Variants in MTUS2 observed in about 807,000 individuals in gnomAD.
MTUS2 encodes the protein microtubule-associated tumor suppressor candidate 2.
MTUS2 carries 40 observed loss-of-function variants against 114.1 expected under a neutral mutation model. That is an observed-to-expected ratio of 0.35 (90% confidence interval 0.27 to 0.46). MTUS2 has a LOEUF of 0.46. MTUS2 is among the 20% of genes least tolerant of loss of function. The pLI is 1.00. For synonymous variants in MTUS2, 688 were observed against 672.0 expected, an observed-to-expected ratio of 1.02 and a Z score of -0.37; for missense variants, 1,679 against 1,705.4, an observed-to-expected ratio of 0.98 and a Z score of 0.27.
rs1158413371 is a variant in MTUS2, at chr13:29,380,746, C to A, written c.3117+21273C>A. ...CCTGGCTAACAAGGTGAAACCCCGT[C>A]TCTACTAAAAATACAAAAAATTAGC... is the stretch of plus-strand genomic sequence containing the variant. On this transcript the variant is annotated intron_variant, in intron 8 of 15. Coordinates refer to ENST00000612955, the MANE Select transcript of MTUS2 (RefSeq NM_001033602.4). Among the ~76,000 whole-genome samples the A allele has an allele frequency of 1.9e-3, 71 of 36,416 alleles. 14 individuals carry two copies. The highest frequency in any genetic ancestry group is 3.5e-3 in the African/African-American group (68 of 19,508). 23.9% of individuals were successfully genotyped at this position (36,416 alleles called of 152,430 possible). A position where few individuals can be genotyped will look rare whatever the true frequency, so the allele number is the denominator to read the frequency against.
intron 8 of MTUS2, among the ~76,000 whole-genome samples, chr13:29,382,311 G>A (rs1442641832): frequency 6.6e-6 from 1 of 152,164 alleles, no homozygotes; most frequent in Non-Finnish European, 1.5e-5. Context: ...CACACTTGGG[G>A]GACAGATAGG....
chr13:28,875,042 C>A (rs984076963), intron 2 of MTUS2, among the ~76,000 whole-genome samples: 1 of 152,068 alleles, frequency 6.6e-6, no homozygotes, highest in African/African-American at 2.4e-5. Context: ...GAAGGCTGGT[C>A]CAAGGCAGCA....
chr13:29,350,855 A>G (rs968271111), intron 7 of MTUS2, among the ~76,000 whole-genome samples: 1 of 151,626 alleles, frequency 6.6e-6, no homozygotes, highest in Admixed American at 6.6e-5. Flanking sequence ...TTCTTATAAG[A>G]GCACTAATCC....
At chr13:29,500,069 C>T (rs891067414) in intron 14 of MTUS2, among the ~76,000 whole-genome samples, 1 of 152,076 alleles carries the variant, frequency 6.6e-6, no homozygotes, top group Non-Finnish European at 1.5e-5. Flanking sequence ...TCTTCCCCCT[C>T]CTGGCTTGGC....
chr13:29,434,131 A>T (rs1397185232), intron 8 of MTUS2, among the ~76,000 whole-genome samples: 2 of 152,082 alleles, frequency 1.3e-5, no homozygotes, highest in East Asian at 3.9e-4. Flanking sequence ...TTCTTTTTTA[A>T]AAAAAATCAG....
In MTUS2 at chr13:29,380,773, G is replaced by T. The variant is rs1289247657; in HGVS notation, c.3117+21300G>T. 3.2e-5 allele frequency among the ~76,000 whole-genome samples: 2 copies of T among 61,964 alleles called. 1 individual carries two copies. The highest frequency in any genetic ancestry group is 9.4e-5 in the Non-Finnish European group (2 of 21,280). The allele number at this position is 61,964 out of a possible 152,430, so 40.7% of individuals were successfully genotyped here. On this transcript the variant is annotated intron_variant, in intron 8 of 15. Coordinates refer to ENST00000612955, the MANE Select transcript of MTUS2 (RefSeq NM_001033602.4). Reference sequence around the variant, plus strand: ...CTACTAAAAATACAAAAAATTAGCCGGGCGCGGTGGCGGGCACCTGTAGTC... The same window carrying T: ...CTACTAAAAATACAAAAAATTAGCCTGGCGCGGTGGCGGGCACCTGTAGTC...
chr13:29,195,098 TG>T (rs1417895963), intron 5 of MTUS2, among the ~76,000 whole-genome samples: 1 of 63,706 alleles, frequency 1.6e-5, no homozygotes, highest in Non-Finnish European at 3.0e-5. Context: ...TGTTGTGGGG[TG>T]GGGGGAGGGG....
intron 4 of MTUS2, among the ~76,000 whole-genome samples, chr13:29,096,583 A>G (rs966922723): frequency 1.3e-5 from 2 of 152,178 alleles, no homozygotes; most frequent in Non-Finnish European, 2.9e-5. Flanking sequence ...ATTGCTTACC[A>G]TCAAAATCTT....
At chr13:29,336,350 T>C (rs1901062108) in intron 7 of MTUS2, among the ~76,000 whole-genome samples, 3 of 152,212 alleles carry the variant, frequency 2.0e-5, no homozygotes, top group Admixed American at 2.0e-4. Context: ...TTTGTTGATG[T>C]TATGCTATTC....
rs528516122 is a variant in MTUS2, at chr13:29,467,947, T to C, written c.3185-12203T>C. 8.7e-4 allele frequency among the ~76,000 whole-genome samples: 132 copies of C among 152,086 alleles called. 6 individuals are homozygous for C. In the South Asian group the frequency reaches 0.025, roughly 28 times the overall value. ...TGAGGCAACACTGAGAAACCCTGTC[T>C]CTACAAGAAAATACAAAAATTAGCC... is the stretch of plus-strand genomic sequence containing the variant. On this transcript the variant is annotated intron_variant, in intron 9 of 15. Coordinates refer to ENST00000612955, the MANE Select transcript of MTUS2 (RefSeq NM_001033602.4).
intron 2 of MTUS2, among the ~76,000 whole-genome samples, chr13:28,991,238 T>C (rs1884837353): frequency 6.6e-6 from 1 of 152,228 alleles, no homozygotes; most frequent in African/African-American, 2.4e-5. Context: ...TCATGTGGGA[T>C]AGAATGTGAA....
At chr13:29,177,379 C>CATA (rs1049218341) in intron 5 of MTUS2, among the ~76,000 whole-genome samples, 23 of 150,610 alleles carry the variant, frequency 1.5e-4, no homozygotes, top group Middle Eastern at 3.4e-3. Context: ...AGCTACTGGA[C>CATA]ATAATAATAA....
At position 29,025,401 on chromosome 13, in the gene MTUS2, A is replaced by G; in HGVS notation, c.703A>G (p.Thr235Ala). ...GGCAGCTTTCCCTGCAACTGACAGTACCTCAGAGGGAAAGAGTGTGCGTCA... is the reference window on the plus strand; with the variant it reads ...GGCAGCTTTCCCTGCAACTGACAGTGCCTCAGAGGGAAAGAGTGTGCGTCA... ...VPAAFPATDS[T>A]SEGKSVRHPK... The change falls in exon 3 of 16, where the codon ACC (threonine) becomes GCC (alanine). Residue 235 changes from threonine to alanine, a missense_variant. Transcript: ENST00000612955. The G allele has an allele frequency of 6.2e-7, 1 of 1,613,840 alleles. No individual in the cohort carries two copies. The highest frequency in any genetic ancestry group is 8.5e-7 in the Non-Finnish European group (1 of 1,179,856).
chr13:29,184,754 G>A (rs761614539), intron 5 of MTUS2, among the ~76,000 whole-genome samples: 36 of 152,112 alleles, frequency 2.4e-4, no homozygotes, highest in Non-Finnish European at 4.7e-4. Context: ...ACAAACGGAC[G>A]ACAAACAGCA....
chr13:28,853,641 G>A (rs900736593), intron 2 of MTUS2, among the ~76,000 whole-genome samples: 9 of 152,138 alleles, frequency 5.9e-5, no homozygotes, highest in African/African-American at 2.2e-4. Context: ...ACATTATCTA[G>A]TTATAACCAA....
At chr13:29,095,286 C>T (rs539063836) in intron 4 of MTUS2, among the ~76,000 whole-genome samples, 1 of 152,078 alleles carries the variant, frequency 6.6e-6, no homozygotes, top group Non-Finnish European at 1.5e-5. Flanking sequence ...TTTATTTCTC[C>T]TGTCAATTCT....
chr13:29,118,174 A>G (rs1891167434), intron 5 of MTUS2, among the ~76,000 whole-genome samples: 1 of 152,026 alleles, frequency 6.6e-6, no homozygotes, highest in African/African-American at 2.4e-5. Context: ...GGCTGTCTTC[A>G]TAGTCATCAC....
At chr13:29,032,769 T>C (rs999725490) in intron 3 of MTUS2, among the ~76,000 whole-genome samples, 3 of 152,222 alleles carry the variant, frequency 2.0e-5, no homozygotes, top group African/African-American at 7.2e-5. Flanking sequence ...AAAGCTTTTA[T>C]AGCCCCCATT....
chr13:28,843,242 A>C (rs1875630341), intron 2 of MTUS2, among the ~76,000 whole-genome samples: 1 of 152,184 alleles, frequency 6.6e-6, no homozygotes, highest in African/African-American at 2.4e-5. Context: ...GGTTTCCCAG[A>C]GACCTGAGAG....
Sources: gnomAD v4.1 joint callset for allele counts (sites outside exome capture counted in the v4.1 genomes callset) on GRCh38, gnomAD v4.1.1 for gene constraint, MANE v1.5 for transcripts, NCBI Gene and HGNC (gene_info 2026-07-23, HGNC 2026-07-21) for gene names.